Variants in FRMD4A observed in about 807,000 individuals in gnomAD.
FRMD4A encodes the protein FERM domain-containing protein 4A.
In FRMD4A, 29 loss-of-function variants were observed where a neutral mutation model predicts 129.1. The ratio of observed to expected loss-of-function variants is 0.22; its 90% CI spans 0.17 to 0.31. The LOEUF (loss-of-function observed/expected upper bound fraction) is 0.31, where lower values mean the gene tolerates loss of function less well. Among genes scored for constraint, FRMD4A ranks in the 10% least tolerant of loss-of-function variants. The pLI is 1.00. For synonymous variants in FRMD4A, 634 were observed against 571.6 expected, an observed-to-expected ratio of 1.11 and a Z score of -1.56; for missense variants, 1,272 against 1,375.8, an observed-to-expected ratio of 0.92 and a Z score of 1.19.
chr10:14,168,364 G>A (rs1174414302), intron 2 of FRMD4A, among the ~76,000 whole-genome samples: 1 of 152,178 alleles, frequency 6.6e-6, no homozygotes, highest in Non-Finnish European at 1.5e-5. Context: ...CTAATTGACA[G>A]GATACCTTTT....
intron 2 of FRMD4A, among the ~76,000 whole-genome samples, chr10:14,054,890 G>C (rs140375816): frequency 2.0e-5 from 3 of 152,278 alleles, no homozygotes; most frequent in Admixed American, 6.5e-5. Context: ...TGTAAGATGT[G>C]ACTTTGCTCC....
chr10:14,185,782 A>G (rs1842118301), intron 2 of FRMD4A, among the ~76,000 whole-genome samples: 1 of 152,134 alleles, frequency 6.6e-6, no homozygotes, highest in Non-Finnish European at 1.5e-5. Context: ...ACAGATACGT[A>G]CAATCCAGAC....
intron 2 of FRMD4A, among the ~76,000 whole-genome samples, chr10:14,113,471 A>G (rs1387595635): frequency 6.6e-6 from 1 of 152,204 alleles, no homozygotes; most frequent in Non-Finnish European, 1.5e-5. Flanking sequence ...AATGCATAGA[A>G]CATACAAAAT....
intron 2 of FRMD4A, among the ~76,000 whole-genome samples, chr10:14,301,251 G>T (rs1846175744): frequency 6.6e-6 from 1 of 152,150 alleles, no homozygotes; most frequent in African/African-American, 2.4e-5. Flanking sequence ...CCATTAATCT[G>T]TATCGTTCCC....
In FRMD4A at chr10:13,828,729, T is replaced by G. The variant is rs774213391; in HGVS notation, c.112-17821A>C. 2.0e-5 allele frequency among the ~76,000 whole-genome samples: 3 copies of G among 152,184 alleles called. No individual in the cohort carries two copies. In the South Asian group the frequency reaches 6.2e-4, roughly 32 times the overall value. On this transcript the variant is annotated intron_variant, in intron 3 of 24. Coordinates refer to ENST00000357447, the MANE Select transcript of FRMD4A (RefSeq NM_018027.5). Reference sequence around the variant, plus strand: ...GTATTTTTAGTAGAGACAGGGTTTCTCCATGTTGGTCAGGCTGCTCTTGAA... The same window carrying G: ...GTATTTTTAGTAGAGACAGGGTTTCGCCATGTTGGTCAGGCTGCTCTTGAA...
chr10:14,212,590 C>A (rs1466668986), intron 2 of FRMD4A, among the ~76,000 whole-genome samples: 1 of 152,154 alleles, frequency 6.6e-6, no homozygotes, highest in Non-Finnish European at 1.5e-5. Context: ...CACAGTAGAT[C>A]CTTAATGTGC....
chr10:14,206,201 A>G (rs992692292), intron 2 of FRMD4A, among the ~76,000 whole-genome samples: 1 of 152,200 alleles, frequency 6.6e-6, no homozygotes, highest in Non-Finnish European at 1.5e-5. Flanking sequence ...CATAACCACA[A>G]GGACACACAA....
rs2094363857 is a variant in FRMD4A at position 13,866,055 on chromosome 10, T to G, written c.46-7143A>C. On this transcript the variant is annotated intron_variant, in intron 2 of 24. Transcript: ENST00000357447. ...GCCACCACGTTGTTTCTGATATTCA[T>G]TTTTGAGACAATAAATTTACAAGAC... 2.0e-5 allele frequency among the ~76,000 whole-genome samples: 3 copies of G among 152,186 alleles called. No individual in the cohort carries two copies. The South Asian group carries it at 6.2e-4, about 32-fold the overall frequency.
chr10:14,010,847 C>A (rs964425443), intron 2 of FRMD4A, among the ~76,000 whole-genome samples: 19 of 151,834 alleles, frequency 1.3e-4, no homozygotes, highest in Admixed American at 7.9e-4. Context: ...AAATATGTTT[C>A]CCCGGAAGGG....
chr10:13,911,682 C>T (rs547843212), intron 2 of FRMD4A, among the ~76,000 whole-genome samples: 1 of 152,308 alleles, frequency 6.6e-6, no homozygotes, highest in Admixed American at 6.5e-5. Context: ...ATGCCTCAGC[C>T]TCCTGAGTAG....
At chr10:14,139,638 T>C (rs572795604) in intron 2 of FRMD4A, among the ~76,000 whole-genome samples, 109 of 152,012 alleles carry the variant, frequency 7.2e-4, no homozygotes, top group Non-Finnish European at 1.4e-3. Flanking sequence ...TTTGTAGAGA[T>C]GGGGTCTTGC....
chr10:13,897,346 T>C (rs1369524976), intron 2 of FRMD4A, among the ~76,000 whole-genome samples: 1 of 152,206 alleles, frequency 6.6e-6, no homozygotes, highest in Non-Finnish European at 1.5e-5. Context: ...GCTGAATACC[T>C]GGGGTAACCC....
chr10:14,216,443 G>T (rs1365948251), intron 2 of FRMD4A, among the ~76,000 whole-genome samples: 1 of 152,042 alleles, frequency 6.6e-6, no homozygotes, highest in Non-Finnish European at 1.5e-5. Context: ...GTCTGAGGAG[G>T]GTGCATCACT....
At chr10:13,974,497 T>C (rs1210685018) in intron 2 of FRMD4A, among the ~76,000 whole-genome samples, 2 of 152,144 alleles carry the variant, frequency 1.3e-5, no homozygotes, top group African/African-American at 4.8e-5. Flanking sequence ...TCTTCAATCA[T>C]CTACATGATT....
At chr10:13,981,024 T>G (rs909781144) in intron 2 of FRMD4A, among the ~76,000 whole-genome samples, 2 of 152,226 alleles carry the variant, frequency 1.3e-5, no homozygotes, top group African/African-American at 4.8e-5. Flanking sequence ...TTGCCTAGAC[T>G]ACTGCTGAAG....
At chr10:14,245,462 G>C (rs1473479823) in intron 2 of FRMD4A, among the ~76,000 whole-genome samples, 1 of 152,202 alleles carries the variant, frequency 6.6e-6, no homozygotes, top group African/African-American at 2.4e-5. Flanking sequence ...TTCAAAGAGA[G>C]GAAAATGCTT....
intron 2 of FRMD4A, among the ~76,000 whole-genome samples, chr10:14,171,645 C>G (rs1037347345): frequency 1.3e-5 from 2 of 152,130 alleles, no homozygotes; most frequent in African/African-American, 4.8e-5. Flanking sequence ...TATGCAAATC[C>G]CAAGATAAAA....
chr10:14,199,686 G>C (rs1281256246), intron 2 of FRMD4A, among the ~76,000 whole-genome samples: 1 of 152,064 alleles, frequency 6.6e-6, no homozygotes, highest in Non-Finnish European at 1.5e-5. Context: ...CACCGTGCCT[G>C]TTATTTTAGA....
At chr10:13,870,134 A>C (rs951868204) in intron 2 of FRMD4A, among the ~76,000 whole-genome samples, 8 of 152,248 alleles carry the variant, frequency 5.3e-5, no homozygotes, top group African/African-American at 1.7e-4. Flanking sequence ...GCAGAGGCTA[A>C]TGGGAACAGA....
Sources: allele counts gnomAD v4.1 joint callset (sites outside exome capture counted in the v4.1 genomes callset), GRCh38; gene constraint gnomAD v4.1.1; transcripts MANE v1.5; gene names NCBI Gene and HGNC (gene_info 2026-07-23, HGNC 2026-07-21).